The following TXNDC15 variants were observed in gnomAD, a reference collection of about 807,000 sequenced individuals.
TXNDC15 encodes the protein thioredoxin domain-containing protein 15.
TXNDC15 carries 24 observed loss-of-function variants against 35.0 expected under a neutral mutation model. The ratio of observed to expected loss-of-function variants is 0.68; its 90% confidence interval spans 0.50 to 0.96. TXNDC15 has a LOEUF of 0.96. Among genes scored for constraint, TXNDC15 ranks in the 40% least tolerant of loss-of-function variants. The probability of loss-of-function intolerance (pLI) is 0.00; values close to 1 mark genes in which losing one functional copy is unlikely to be tolerated. For missense variants in TXNDC15, 385 were observed against 453.3 expected (o/e 0.85, Z 1.37); for synonymous variants, 169 against 174.0 (o/e 0.97, Z 0.23).
chr5:134,889,434 G>A, intron 2 of TXNDC15, among the ~76,000 whole-genome samples: 1 of 152,178 alleles, frequency 6.6e-6, no homozygotes, highest in East Asian at 1.9e-4. Context: ...ACGTTGGCCA[G>A]GCTGGTCTCA....
At chr5:134,883,869 G>A (rs1468277578) in intron 1 of TXNDC15, among the ~76,000 whole-genome samples, 4 of 143,510 alleles carry the variant, frequency 2.8e-5, no homozygotes, top group Non-Finnish European at 6.1e-5. Flanking sequence ...GAGCCGAGAT[G>A]GTGCCACTGC....
intron 1 of TXNDC15, among the ~76,000 whole-genome samples, chr5:134,880,979 GT>G (rs1750129735): frequency 6.6e-6 from 1 of 151,674 alleles, no homozygotes; most frequent in South Asian, 2.1e-4. Flanking sequence ...TGGATTTATA[GT>G]TTTCACCAAG....
intron 1 of TXNDC15, among the ~76,000 whole-genome samples, chr5:134,882,885 A>G (rs1004404471): frequency 1.3e-5 from 2 of 152,172 alleles, no homozygotes; most frequent in African/African-American, 4.8e-5. Context: ...GACAGGTTCT[A>G]TTGCTATCTT....
rs1294686596 is a variant in TXNDC15 at position 134,901,536 on chromosome 5, T to C, written c.*1851T>C. 1.3e-5 allele frequency: 2 copies of C among 152,230 alleles called. No homozygotes were observed. Among genetic ancestry groups the C allele is most frequent in the African/African-American group, 4.8e-5 (2 of 41,470 alleles). 9.4% of individuals were successfully genotyped at this position (152,230 alleles called of 1,614,324 possible). On this transcript the variant is annotated 3_prime_UTR_variant, in exon 5 of 5. Transcript: ENST00000358387. ...ACTCTAGTGAGTCCACCTCTTATAT[T>C]GAGTTATTACTGTGTGAGTGCCAAG...
chr5:134,895,481 T>G (rs1043016314), intron 3 of TXNDC15, among the ~76,000 whole-genome samples: 2 of 152,308 alleles, frequency 1.3e-5, no homozygotes, highest in South Asian at 2.1e-4. Context: ...GCTTTCTTCT[T>G]TCCTTCCTTC....
At chr5:134,895,994 TAG>T (rs898825061) in intron 3 of TXNDC15, 4 of 229,408 alleles carry the variant, frequency 1.7e-5, no homozygotes, top group African/African-American at 7.0e-5. Flanking sequence ...GTCCATGAAT[TAG>T]AGTTTTCTGG....
chr5:134,890,657 A>G (rs1460564465), intron 2 of TXNDC15, among the ~76,000 whole-genome samples: 1 of 151,972 alleles, frequency 6.6e-6, no homozygotes, highest in Non-Finnish European at 1.5e-5. Context: ...TGATCTGCCC[A>G]CCTTGGCCTT....
chr5:134,894,668 G>A (rs182757102), intron 3 of TXNDC15, among the ~76,000 whole-genome samples: 32 of 150,762 alleles, frequency 2.1e-4, no homozygotes, highest in African/African-American at 7.8e-4. Flanking sequence ...TTTTTTAAAT[G>A]TTTAGTAAAG....
At chr5:134,881,766 G>A (rs1272099389) in intron 1 of TXNDC15, among the ~76,000 whole-genome samples, 2 of 149,530 alleles carry the variant, frequency 1.3e-5, no homozygotes, top group Admixed American at 6.6e-5. Flanking sequence ...AGGGGCGGCC[G>A]GGCAGAGGCG....
chr5:134,888,282 AT>A, intron 2 of TXNDC15, 100 bp downstream of exon 2: 2 of 1,227,106 alleles, frequency 1.6e-6, no homozygotes, highest in South Asian at 1.5e-5. Context: ...TCTTGATCAT[AT>A]TGTAAGCGAG....
chr5:134,874,862 T>C (rs368584620), intron 1 of TXNDC15, among the ~76,000 whole-genome samples: 1 of 152,248 alleles, frequency 6.6e-6, no homozygotes, highest in Non-Finnish European at 1.5e-5. Context: ...ATTAATAACA[T>C]TATATCAAAT....
chr5:134,880,408 G>A (rs1434623160), intron 1 of TXNDC15, among the ~76,000 whole-genome samples: 5 of 151,742 alleles, frequency 3.3e-5, no homozygotes, highest in Non-Finnish European at 7.4e-5. Flanking sequence ...TTGTATGTCT[G>A]AAGAAGTGAA....
chr5:134,885,658 C>T (rs1168393370), intron 1 of TXNDC15, among the ~76,000 whole-genome samples: 1 of 152,202 alleles, frequency 6.6e-6, no homozygotes, highest in African/African-American at 2.4e-5. Context: ...CTCTTAGCTC[C>T]ATCTCCTCAA....
At chr5:134,874,365 G>A (rs1749983986), upstream of TXNDC15, 2 of 1,433,814 alleles carry the variant, frequency 1.4e-6, no homozygotes, top group Non-Finnish European at 1.9e-6. Context: ...TCCTCCCCCA[G>A]CCTTCCTCCG....
Position 134,874,454 on chromosome 5 carries a change from G to A in TXNDC15, c.27G>A (p.Pro9=). 1 of 1,604,150 alleles carries A rather than the reference G, an allele frequency of 6.2e-7. No homozygotes were observed. The highest frequency in any genetic ancestry group is 8.5e-7 in the Non-Finnish European group (1 of 1,177,530). MVPAAGRR[P]PRVMRLLGWW... ...TGGTCCCGGCTGCCGGTCGACGACC[G>A]CCCCGCGTCATGCGGCTCCTCGGCT... Residue 9 remains proline, a synonymous_variant, in exon 1 of 5, where the codon CCG becomes CCA. Coordinates refer to ENST00000358387, the MANE Select transcript of TXNDC15 (RefSeq NM_024715.4).
intron 1 of TXNDC15, among the ~76,000 whole-genome samples, chr5:134,875,731 G>A (rs771244322): frequency 1.3e-4 from 20 of 151,944 alleles, no homozygotes; most frequent in African/African-American, 4.6e-4. Flanking sequence ...GTGCAGTGGC[G>A]CGATCTTGGC....
chr5:134,874,542 C>T lies in TXNDC15; in HGVS notation c.103+12C>T. Reference sequence around the variant, plus strand: ...CCGCGGCGTGGAGGGTGAGTGTGGGCCGGGGGCGGTGCATGAGATGATGGG... The same window carrying T: ...CCGCGGCGTGGAGGGTGAGTGTGGGTCGGGGGCGGTGCATGAGATGATGGG... On this transcript the variant is annotated intron_variant, in intron 1 of 4. Coordinates refer to ENST00000358387, the MANE Select transcript of TXNDC15 (RefSeq NM_024715.4). The T allele has an allele frequency of 6.3e-7, 1 of 1,590,708 alleles. No individual in the cohort carries two copies. The highest frequency in any genetic ancestry group is 8.5e-7 in the Non-Finnish European group (1 of 1,172,572).
chr5:134,887,710 G>T lies in TXNDC15; in HGVS notation c.119G>T (p.Gly40Val). ...VRGVEVAEES[G>V]RLWSEEQPAH... ...CATGTTTTAGTTGCAGAGGAAAGTGGTCGCTTATGGTCAGAGGAGCAGCCT... is the reference window on the plus strand; with the variant it reads ...CATGTTTTAGTTGCAGAGGAAAGTGTTCGCTTATGGTCAGAGGAGCAGCCT... Residue 40 changes from glycine to valine, a missense_variant, in exon 2 of 5, where the codon GGT (glycine) becomes GTT (valine). Transcript: ENST00000358387. The T allele has an allele frequency of 1.3e-6, 2 of 1,576,478 alleles. No individual in the cohort carries two copies. Among genetic ancestry groups the T allele is most frequent in the Non-Finnish European group, 1.7e-6 (2 of 1,158,804 alleles).
At chr5:134,891,118 T>C (rs931452563) in intron 2 of TXNDC15, among the ~76,000 whole-genome samples, 5 of 152,194 alleles carry the variant, frequency 3.3e-5, no homozygotes, top group African/African-American at 1.2e-4. Flanking sequence ...TCCACGAGGG[T>C]TGGAGTCAGC....
Sources: gnomAD v4.1 joint callset for allele counts (sites outside exome capture counted in the v4.1 genomes callset) on GRCh38, gnomAD v4.1.1 for gene constraint, MANE v1.5 for transcripts, NCBI Gene and HGNC (gene_info 2026-07-23, HGNC 2026-07-21) for gene names.